Variants in IL1RAP observed in about 807,000 individuals in gnomAD.
IL1RAP encodes interleukin 1 receptor accessory protein.
A neutral mutation model predicts 60.7 loss-of-function variants in IL1RAP; 35 were observed. The observed-to-expected ratio is 0.58, with a 90% CI of 0.44 to 0.76. The LOEUF is 0.76. IL1RAP is among the 30% of genes least tolerant of loss of function. The pLI is 0.00. For synonymous variants in IL1RAP, 268 were observed against 250.9 expected (o/e 1.07, Z -0.64); for missense variants, 572 against 693.9 (o/e 0.82, Z 1.97).
chr3:190,636,698 A>G, intron 9 of IL1RAP, among the ~76,000 whole-genome samples: 1 of 152,142 alleles, frequency 6.6e-6, no homozygotes, highest in South Asian at 2.1e-4. Flanking sequence ...TTATACTTAT[A>G]CTTTATACTT....
At position 190,650,025 on chromosome 3, in the gene IL1RAP, C is replaced by A; in HGVS notation, c.*1320C>A. On this transcript the variant is annotated 3_prime_UTR_variant, in exon 12 of 12. Transcript: ENST00000447382. ...TATACATATCCACACACATACATTA[C>A]ATATATCTGTGTATATAAATCCACA... 1 of 553,254 alleles carries A rather than the reference C, an allele frequency of 1.8e-6. No homozygotes were observed. The highest frequency in any genetic ancestry group is 1.5e-4 in the East Asian group (1 of 6,798). 34.3% of individuals were successfully genotyped at this position (553,254 alleles called of 1,614,324 possible).
chr3:190,559,301 G>C (rs1725686683), intron 2 of IL1RAP, among the ~76,000 whole-genome samples: 1 of 151,908 alleles, frequency 6.6e-6, no homozygotes, highest in African/African-American at 2.4e-5. Context: ...CTGGCTTGAG[G>C]TTTATGTTTT....
intron 3 of IL1RAP, among the ~76,000 whole-genome samples, chr3:190,577,561 T>TC (rs939621436): frequency 1.3e-5 from 2 of 152,128 alleles, no homozygotes; most frequent in African/African-American, 4.8e-5. Context: ...GCCTTTTCTT[T>TC]CCCCCCTGCA....
intron 2 of IL1RAP, among the ~76,000 whole-genome samples, chr3:190,560,320 C>T (rs6799225): frequency 0.027 from 4,100 of 152,216 alleles, 181 homozygotes; most frequent in African/African-American, 0.091. Flanking sequence ...TATTCCTTGG[C>T]GTGAATGGCC....
intron 7 of IL1RAP, among the ~76,000 whole-genome samples, chr3:190,626,675 T>C (rs575631653): frequency 6.9e-6 from 1 of 145,512 alleles, no homozygotes; most frequent in East Asian, 2.0e-4. Flanking sequence ...TTTTTTTTTT[T>C]TTTTTTTTTT....
At chr3:190,655,573 G>GTGTGTA (rs1306635320), downstream of IL1RAP, among the ~76,000 whole-genome samples, 1 of 145,684 alleles carries the variant, frequency 6.9e-6, no homozygotes, top group Non-Finnish European at 1.5e-5. Flanking sequence ...GTGTGTGTGT[G>GTGTGTA]TGTGTGTGTG....
rs757305761 is a variant in IL1RAP, at chr3:190,609,001, T to C, written c.357T>C (p.Thr119=). ...TGTATATTTCTTTTTTCAGGAACAC[T>C]ACATATTGCAGCAAAGTTGCATTTC... The part of the protein sequence containing the change: ...TGNYTCMLRN[T]TYCSKVAFPL... The change falls in exon 5 of 12, where the codon ACT becomes ACC. Residue 119 remains threonine (T), a synonymous_variant. Coordinates refer to ENST00000447382, the MANE Select transcript of IL1RAP (RefSeq NM_002182.4). 6.2e-7 allele frequency: 1 copy of C among 1,612,578 alleles called. No individual in the cohort carries two copies. Among genetic ancestry groups the C allele is most frequent in the South Asian group, 1.1e-5 (1 of 90,944 alleles).
chr3:190,556,380 A>G, intron 2 of IL1RAP, among the ~76,000 whole-genome samples, 164 bp downstream of exon 2: 1 of 152,216 alleles, frequency 6.6e-6, no homozygotes, highest in Non-Finnish European at 1.5e-5. Context: ...CATTTTTTAT[A>G]TATATATATG....
At chr3:190,541,583 C>A (rs775024158) in intron 1 of IL1RAP, among the ~76,000 whole-genome samples, 1 of 152,132 alleles carries the variant, frequency 6.6e-6, no homozygotes, top group Non-Finnish European at 1.5e-5. Context: ...AAGTTGGAAT[C>A]TGATTTGACA....
chr3:190,549,459 TC>T (rs1233174746), intron 1 of IL1RAP, among the ~76,000 whole-genome samples: 6 of 151,952 alleles, frequency 3.9e-5, no homozygotes, highest in African/African-American at 1.5e-4. Context: ...TATGTAAGGG[TC>T]CCCAGCAGAA....
At chr3:190,542,371 T>G (rs1183834842) in intron 1 of IL1RAP, among the ~76,000 whole-genome samples, 5 of 152,264 alleles carry the variant, frequency 3.3e-5, no homozygotes, top group African/African-American at 1.2e-4. Context: ...ACACTTCACC[T>G]TTCTGCACCT....
intron 5 of IL1RAP, among the ~76,000 whole-genome samples, chr3:190,610,717 C>T (rs529225979): frequency 6.6e-6 from 1 of 152,058 alleles, no homozygotes; most frequent in Admixed American, 6.6e-5. Flanking sequence ...GCAGAACTCC[C>T]GAGAGAAATA....
intron 8 of IL1RAP, 43 bp downstream of exon 8, chr3:190,627,492 CA>C: frequency 1.3e-6 from 2 of 1,587,042 alleles, no homozygotes; most frequent in Non-Finnish European, 1.7e-6. Flanking sequence ...CTTTGTTTCT[CA>C]ACTTAATGAT....
chr3:190,549,020 G>A (rs1256053181), intron 1 of IL1RAP, among the ~76,000 whole-genome samples: 1 of 152,118 alleles, frequency 6.6e-6, no homozygotes, highest in Non-Finnish European at 1.5e-5. Context: ...TCTCCTTAGG[G>A]TTCTTTTCAC....
intron 1 of IL1RAP, among the ~76,000 whole-genome samples, chr3:190,523,834 G>A (rs889396434): frequency 1.3e-5 from 2 of 152,152 alleles, no homozygotes; most frequent in African/African-American, 4.8e-5. Context: ...ACATACACAT[G>A]CATATGTCTT....
chr3:190,614,256 A>T (rs2108777200), intron 5 of IL1RAP, among the ~76,000 whole-genome samples: 1 of 151,240 alleles, frequency 6.6e-6, no homozygotes, highest in African/African-American at 2.4e-5. Flanking sequence ...GTCTATGAGG[A>T]TTAAAAGATA....
chr3:190,528,428 T>C (rs1418600196), intron 1 of IL1RAP, among the ~76,000 whole-genome samples: 1 of 152,192 alleles, frequency 6.6e-6, no homozygotes, highest in Admixed American at 6.5e-5. Context: ...GTAAGGAAGT[T>C]AAAAGTTATG....
At chr3:190,611,867 A>T (rs1397849678) in intron 5 of IL1RAP, among the ~76,000 whole-genome samples, 1 of 152,210 alleles carries the variant, frequency 6.6e-6, no homozygotes, top group Non-Finnish European at 1.5e-5. Flanking sequence ...AGAGATGCAG[A>T]GACTGATTTA....
intron 1 of IL1RAP, chr3:190,554,519 A>T (rs1725229482): frequency 6.6e-6 from 1 of 152,210 alleles, no homozygotes; most frequent in African/African-American, 2.4e-5. Flanking sequence ...AGCCAAGCGG[A>T]CCACAGTATT....
Sources: gnomAD v4.1 joint callset for allele counts (sites outside exome capture counted in the v4.1 genomes callset) on GRCh38, gnomAD v4.1.1 for gene constraint, MANE v1.5 for transcripts, NCBI Gene and HGNC (gene_info 2026-07-23, HGNC 2026-07-21) for gene names.